Variants in TMEM120B observed in about 807,000 individuals in gnomAD.
TMEM120B encodes transmembrane protein 120B.
A neutral mutation model predicts 55.5 loss-of-function variants in TMEM120B; 31 were observed. That is an observed-to-expected ratio of 0.56 (90% confidence interval 0.42 to 0.75). The LOEUF (loss-of-function observed/expected upper bound fraction) is 0.75. TMEM120B is among the 30% of genes least tolerant of loss of function. The pLI, the probability that TMEM120B is intolerant of heterozygous loss-of-function variation, is 0.00. For synonymous variants in TMEM120B, 203 were observed against 176.3 expected, an observed-to-expected ratio of 1.15 and a Z score of -1.20; for missense variants, 399 against 425.5, an observed-to-expected ratio of 0.94 and a Z score of 0.55.
intron 1 of TMEM120B, among the ~76,000 whole-genome samples, chr12:121,730,672 A>G (rs912368304): frequency 1.8e-4 from 27 of 150,038 alleles, no homozygotes; most frequent in African/African-American, 6.4e-4. Context: ...AACAAACAAA[A>G]AAAAACCGGG....
In TMEM120B at chr12:121,750,362, A is replaced by C. The variant is rs765251607; in HGVS notation, c.306-18A>C. The C allele has an allele frequency of 6.2e-7, 1 of 1,610,970 alleles. No homozygotes were observed. The highest frequency in any genetic ancestry group is 8.5e-7 in the Non-Finnish European group (1 of 1,177,808). ...CCACCTGCTAAGGATCATGCCCCTC[A>C]CAGGTGTTTCCTTCCAGGCTCTACT... On this transcript the variant is annotated intron_variant, in intron 3 of 11. Coordinates refer to ENST00000449592, the MANE Select transcript of TMEM120B (RefSeq NM_001080825.2).
intron 1 of TMEM120B, among the ~76,000 whole-genome samples, chr12:121,727,891 A>AAG (rs386377985): frequency 5.8e-4 from 88 of 151,388 alleles, no homozygotes; most frequent in Non-Finnish European, 1.1e-3. Context: ...AAAAAAAAAA[A>AAG]AGAGATTGGT....
Position 121,776,085 on chromosome 12 carries a change from G to T in TMEM120B, c.*363G>T. On this transcript the variant is annotated 3_prime_UTR_variant, in exon 12 of 12. Transcript: ENST00000449592. The stretch of plus-strand genomic sequence containing the variant: ...TCTGGGTGGGGTTTGGATGTGCCTC[G>T]CGGGGTTGGATTTATGCTGACCTGC... 9.3e-6 allele frequency: 5 copies of T among 540,168 alleles called. No homozygotes were observed. Among genetic ancestry groups the T allele is most frequent in the South Asian group, 2.7e-5 (1 of 37,620 alleles). 33.5% of individuals were successfully genotyped at this position (540,168 alleles called of 1,614,324 possible).
intron 1 of TMEM120B, among the ~76,000 whole-genome samples, chr12:121,719,805 C>T (rs1219780407): frequency 6.6e-6 from 1 of 152,094 alleles, no homozygotes; most frequent in African/African-American, 2.4e-5. Context: ...AGTGATTCTC[C>T]TGCCTCAGCC....
At chr12:121,773,951 C>CTTTTTTTTTTTTTTTTTTTTTT (rs560321014) in intron 9 of TMEM120B, among the ~76,000 whole-genome samples, 1 of 96,610 alleles carries the variant, frequency 1.0e-5, no homozygotes, top group Non-Finnish European at 1.9e-5. Context: ...ACTCTGCTAT[C>CTTTTTTTTTTTTTTTTTTTTTT]TTTTTTTTTT....
intron 1 of TMEM120B, among the ~76,000 whole-genome samples, chr12:121,723,841 C>T (rs779475017): frequency 1.4e-4 from 22 of 152,212 alleles, no homozygotes; most frequent in Non-Finnish European, 2.2e-4. Context: ...AGGTCTCTGA[C>T]ACTCGGACTA....
Position 121,771,520 on chromosome 12 carries a change from A to G in TMEM120B, c.650A>G (p.Asn217Ser). The change falls in exon 8 of 12, where the codon AAC becomes AGC. Residue 217 changes from asparagine to serine, a missense_variant. Transcript: ENST00000449592. ...PNGPIYQKFR[N>S]QFLAFSIFQS... ...GGACCCATTTATCAGAAGTTTCGCA[A>G]CCAGTTCTTAGCATTTTCCATTTTT... 1.2e-6 allele frequency: 2 copies of G among 1,614,030 alleles called. No individual in the cohort carries two copies. The highest frequency in any genetic ancestry group is 3.3e-5 in the Admixed American group (2 of 60,002).
chr12:121,736,742 A>G (rs1355490924), intron 1 of TMEM120B, among the ~76,000 whole-genome samples: 7 of 151,548 alleles, frequency 4.6e-5, no homozygotes, highest in Admixed American at 1.3e-4. Context: ...ATGAGGTTTC[A>G]CCATGTTGGC....
At chr12:121,725,433 G>T (rs1325817914) in intron 1 of TMEM120B, among the ~76,000 whole-genome samples, 1 of 152,100 alleles carries the variant, frequency 6.6e-6, no homozygotes, top group African/African-American at 2.4e-5. Context: ...TTCTTTAAAA[G>T]TTAGACAGAA....
chr12:121,780,042 C>G lies in TMEM120B; in HGVS notation c.*4320C>G, dbSNP rs1409435254. 3 of 186,394 alleles carry G rather than the reference C, an allele frequency of 1.6e-5. No individual in the cohort carries two copies. The highest frequency in any genetic ancestry group is 7.0e-5 in the African/African-American group (3 of 42,754). 11.5% of individuals were successfully genotyped at this position (186,394 alleles called of 1,614,324 possible). A position where few individuals can be genotyped will look rare whatever the true frequency, so the allele number is the denominator to read the frequency against. Reference sequence around the variant, plus strand: ...CCCTTCTCTGAAAGTACCATTTAGGCAAATTAATTTGCCCTTTTATTTATT... The same window carrying G: ...CCCTTCTCTGAAAGTACCATTTAGGGAAATTAATTTGCCCTTTTATTTATT... On this transcript the variant is annotated 3_prime_UTR_variant, in exon 12 of 12. Coordinates refer to ENST00000449592, the MANE Select transcript of TMEM120B (RefSeq NM_001080825.2).
At chr12:121,714,553 ACTT>A (rs1215001668) in intron 1 of TMEM120B, among the ~76,000 whole-genome samples, 1 of 130,860 alleles carries the variant, frequency 7.6e-6, no homozygotes, top group African/African-American at 3.0e-5. Context: ...GCCCTCAGCC[ACTT>A]CTTTTTTTTT....
At chr12:121,736,746 T>C (rs1286004196) in intron 1 of TMEM120B, among the ~76,000 whole-genome samples, 1 of 151,426 alleles carries the variant, frequency 6.6e-6, no homozygotes, top group Non-Finnish European at 1.5e-5. Flanking sequence ...GGTTTCACCA[T>C]GTTGGCAAGG....
At chr12:121,741,994 CT>C (rs1287883694) in intron 1 of TMEM120B, among the ~76,000 whole-genome samples, 1 of 150,856 alleles carries the variant, frequency 6.6e-6, no homozygotes, top group Non-Finnish European at 1.5e-5. Context: ...TCCTTATTTA[CT>C]GACTTAACTT....
In TMEM120B at chr12:121,779,382, CCG is replaced by C. The variant is rs1874355748; in HGVS notation, c.*3662_*3663del. Reference sequence around the variant, plus strand: ...GTTCCAGAATGTTCCAAGAGTCTAGCCGCAGGCCCCAGACACCATGAGCTGGA... The same window carrying C: ...GTTCCAGAATGTTCCAAGAGTCTAGCCAGGCCCCAGACACCATGAGCTGGA... On this transcript the variant is annotated 3_prime_UTR_variant, in exon 12 of 12. Transcript: ENST00000449592. 1 of 1,118,010 alleles carries C rather than the reference CCG, an allele frequency of 8.9e-7. No individual in the cohort carries two copies. The highest frequency in any genetic ancestry group is 1.6e-5 in the African/African-American group (1 of 64,140). The allele number at this position is 1,118,010 out of a possible 1,614,324, so 69.3% of individuals were successfully genotyped here.
intron 9 of TMEM120B, among the ~76,000 whole-genome samples, 189 bp from the exon 10 acceptor site, chr12:121,774,469 A>G (rs11043194): frequency 0.2 from 29,979 of 152,140 alleles, 4,511 homozygotes; most frequent in African/African-American, 0.41. Context: ...CAGTCAGGCC[A>G]GGTGACAGGG....
At chr12:121,755,521 G>A (rs1873452305) in intron 5 of TMEM120B, among the ~76,000 whole-genome samples, 1 of 152,210 alleles carries the variant, frequency 6.6e-6, no homozygotes, top group African/African-American at 2.4e-5. Flanking sequence ...GTTAATTTTG[G>A]CTCGAGTGGG....
chr12:121,770,419 G>C (rs1044622669), intron 6 of TMEM120B, among the ~76,000 whole-genome samples: 1 of 152,138 alleles, frequency 6.6e-6, no homozygotes, highest in Non-Finnish European at 1.5e-5. Flanking sequence ...TAAGGTGCTG[G>C]GGGGCTCAGC....
Position 121,775,763 on chromosome 12 carries a change from A to T in TMEM120B, c.*41A>T. 6.2e-7 allele frequency: 1 copy of T among 1,605,832 alleles called. No individual in the cohort carries two copies. Among genetic ancestry groups the T allele is most frequent in the South Asian group, 1.1e-5 (1 of 90,906 alleles). On this transcript the variant is annotated 3_prime_UTR_variant, in exon 12 of 12. Transcript: ENST00000449592. The surrounding 1 kb of genome is among the most constrained non-coding windows in gnomAD (Gnocchi z 4.3). ...GCCCTCGGCCCGGACTTCAGACTGC[A>T]GGGGGCTCCCGGGCTCCTTCCCAGC...
chr12:121,766,669 T>C (rs897715536), intron 6 of TMEM120B, among the ~76,000 whole-genome samples: 14 of 152,256 alleles, frequency 9.2e-5, no homozygotes, highest in Admixed American at 2.6e-4. Flanking sequence ...TGTGCTTGGG[T>C]ATAAGACTGT....
Sources: allele counts gnomAD v4.1 joint callset (sites outside exome capture counted in the v4.1 genomes callset), GRCh38; gene constraint gnomAD v4.1.1; non-coding constraint Gnocchi (gnomAD v3.1); transcripts MANE v1.5; gene names NCBI Gene and HGNC (gene_info 2026-07-23, HGNC 2026-07-21).